The following FCHSD2 variants were observed in gnomAD, a reference collection of about 807,000 sequenced individuals.
FCHSD2 encodes F-BAR and double SH3 domains protein 2.
FCHSD2 carries 38 observed loss-of-function variants against 108.1 expected under a neutral mutation model. The ratio of observed to expected loss-of-function variants is 0.35; its 90% CI spans 0.27 to 0.46. FCHSD2 has a LOEUF of 0.46. Ranked by LOEUF, FCHSD2 falls within the 20% of genes least tolerant of loss-of-function variation. The pLI is 1.00. For missense variants in FCHSD2, 751 were observed against 897.8 expected (o/e 0.84, Z 2.09); for synonymous variants, 279 against 314.7 (o/e 0.89, Z 1.20).
At chr11:72,893,751 A>C (rs1264175609) in intron 10 of FCHSD2, among the ~76,000 whole-genome samples, 1 of 151,940 alleles carries the variant, frequency 6.6e-6, no homozygotes, top group African/African-American at 2.4e-5. Context: ...CTGTCTCCAA[A>C]AAAAAAAAAA....
intron 9 of FCHSD2, among the ~76,000 whole-genome samples, chr11:72,915,742 T>G (rs888990733): frequency 6.6e-6 from 1 of 152,058 alleles, no homozygotes; most frequent in African/African-American, 2.4e-5. Flanking sequence ...CGCTTGAACC[T>G]GGGAGGCAGA....
At chr11:73,121,539 C>A (rs1860734722) in intron 2 of FCHSD2, among the ~76,000 whole-genome samples, 1 of 151,920 alleles carries the variant, frequency 6.6e-6, no homozygotes, top group Admixed American at 6.6e-5. Flanking sequence ...ATATCTGCCT[C>A]TTGGGTTGCT....
At chr11:73,077,715 C>A in intron 3 of FCHSD2, 1 of 353,930 alleles carries the variant, frequency 2.8e-6, no homozygotes, top group Non-Finnish European at 5.5e-6. Flanking sequence ...CACACAACAA[C>A]ATAAACTACA....
At chr11:73,122,177 C>CA (rs544166742) in intron 2 of FCHSD2, among the ~76,000 whole-genome samples, 1,374 of 130,408 alleles carry the variant, frequency 0.011, 7 homozygotes, top group East Asian at 0.017. Context: ...ACTTAAAAGG[C>CA]AAAAAAAAAA....
intron 3 of FCHSD2, among the ~76,000 whole-genome samples, chr11:73,055,498 CAA>C (rs1859004565): frequency 6.6e-6 from 1 of 151,982 alleles, no homozygotes; most frequent in South Asian, 2.1e-4. Flanking sequence ...AGAAATAAGA[CAA>C]AGTTTTAAAC....
chr11:72,901,962 C>T (rs1045099803), intron 10 of FCHSD2, among the ~76,000 whole-genome samples: 7 of 150,846 alleles, frequency 4.6e-5, no homozygotes, highest in Non-Finnish European at 8.9e-5. Context: ...GTAACCTCTG[C>T]CTCCCAGGTT....
intron 12 of FCHSD2, among the ~76,000 whole-genome samples, chr11:72,874,360 A>T (rs1854924023): frequency 6.6e-6 from 1 of 152,116 alleles, no homozygotes; most frequent in Non-Finnish European, 1.5e-5. Context: ...CTAATTTTTT[A>T]AAATTTTTTG....
In FCHSD2 at chr11:73,000,978, T is replaced by C. The variant is rs1482137701; in HGVS notation, c.387+12A>G. On this transcript the variant is annotated intron_variant, in intron 5 of 19. Coordinates refer to ENST00000409418, the MANE Select transcript of FCHSD2 (RefSeq NM_014824.3). ...ATTAAAATGCATATAAGAACAGAAATAAAAACAATACCCTTTTTAGTTGCT... is the reference window on the plus strand; with the variant it reads ...ATTAAAATGCATATAAGAACAGAAACAAAAACAATACCCTTTTTAGTTGCT... 6.3e-7 allele frequency: 1 copy of C among 1,593,704 alleles called. No homozygotes were observed. Among genetic ancestry groups the C allele is most frequent in the African/African-American group, 1.3e-5 (1 of 74,478 alleles).
intron 13 of FCHSD2, among the ~76,000 whole-genome samples, chr11:72,864,126 T>C (rs554048231): frequency 9.2e-5 from 14 of 152,386 alleles, no homozygotes; most frequent in African/African-American, 2.9e-4. Flanking sequence ...CAGAGTAGAC[T>C]GGCAGTTTGC....
chr11:72,982,696 C>T (rs765728845), intron 8 of FCHSD2, among the ~76,000 whole-genome samples: 5 of 152,158 alleles, frequency 3.3e-5, no homozygotes, highest in Non-Finnish European at 7.3e-5. Flanking sequence ...GTAATCTAAT[C>T]TATCTGCATT....
intron 3 of FCHSD2, among the ~76,000 whole-genome samples, chr11:73,080,960 A>AAAAATAAAAT (rs376421601): frequency 2.6e-3 from 390 of 151,986 alleles, no homozygotes; most frequent in African/African-American, 9.1e-3. Context: ...AAAAAACAAC[A>AAAAATAAAAT]AAAATAAAAT....
At chr11:72,853,437 CAG>C (rs535190236) in intron 13 of FCHSD2, among the ~76,000 whole-genome samples, 17 of 152,152 alleles carry the variant, frequency 1.1e-4, no homozygotes, top group African/African-American at 1.9e-4. Context: ...TTTTTGGAGA[CAG>C]AGTCTCGCTC....
chr11:72,863,604 TAA>T (rs1854651306), intron 13 of FCHSD2, among the ~76,000 whole-genome samples: 1 of 152,122 alleles, frequency 6.6e-6, no homozygotes, highest in Non-Finnish European at 1.5e-5. Context: ...AAATATCTGA[TAA>T]AGGATTTGTA....
chr11:73,127,582 C>A (rs1157027834), intron 2 of FCHSD2, among the ~76,000 whole-genome samples: 1 of 152,158 alleles, frequency 6.6e-6, no homozygotes, highest in Non-Finnish European at 1.5e-5. Context: ...ATCTGTGGGG[C>A]TCAAATGAAC....
intron 8 of FCHSD2, among the ~76,000 whole-genome samples, chr11:72,975,260 A>C (rs1040607217): frequency 2.0e-5 from 3 of 152,168 alleles, no homozygotes; most frequent in African/African-American, 7.2e-5. Context: ...GCTATTGTGA[A>C]TAGTGCTATA....
At chr11:72,850,575 G>A (rs950557065) in intron 13 of FCHSD2, among the ~76,000 whole-genome samples, 58 of 150,848 alleles carry the variant, frequency 3.8e-4, no homozygotes, top group African/African-American at 1.3e-3. Context: ...CGATGGTCTC[G>A]ATCTCCTGAC....
chr11:72,920,272 A>G (rs1303796358), intron 9 of FCHSD2, among the ~76,000 whole-genome samples: 1 of 152,210 alleles, frequency 6.6e-6, no homozygotes, highest in Non-Finnish European at 1.5e-5. Context: ...AAAAACAAAA[A>G]CAGAGACAAT....
At chr11:72,897,404 A>G (rs1855445731) in intron 10 of FCHSD2, among the ~76,000 whole-genome samples, 1 of 151,834 alleles carries the variant, frequency 6.6e-6, no homozygotes, top group African/African-American at 2.4e-5. Flanking sequence ...AAACAATGTA[A>G]TAGGACCATT....
chr11:73,042,706 A>G (rs1433687368), intron 3 of FCHSD2, among the ~76,000 whole-genome samples: 1 of 151,984 alleles, frequency 6.6e-6, no homozygotes, highest in Non-Finnish European at 1.5e-5. Context: ...ATACCTTTCC[A>G]TTTTGTGTGT....
Sources: gnomAD v4.1 joint callset for allele counts (sites outside exome capture counted in the v4.1 genomes callset) on GRCh38, gnomAD v4.1.1 for gene constraint, MANE v1.5 for transcripts, NCBI Gene and HGNC (gene_info 2026-07-23, HGNC 2026-07-21) for gene names.